The following ST18 variants were observed in gnomAD, a reference collection of about 807,000 sequenced individuals.
ST18 encodes the protein suppression of tumorigenicity 18 protein.
ST18 carries 50 observed loss-of-function variants against 110.0 expected under a neutral mutation model. The observed-to-expected ratio is 0.45, with a 90% confidence interval of 0.36 to 0.58. ST18 has a LOEUF of 0.58. ST18 is among the 20% of genes least tolerant of loss of function. The probability of loss-of-function intolerance (pLI) is 0.00; values close to 1 mark genes in which losing one functional copy is unlikely to be tolerated. For missense variants in ST18, 1,306 were observed against 1,280.1 expected, an observed-to-expected ratio of 1.02 and a Z score of -0.31; for synonymous variants, 461 against 452.4, an observed-to-expected ratio of 1.02 and a Z score of -0.24.
chr8:52,126,558 CT>C (rs1246955498), intron 22 of ST18, among the ~76,000 whole-genome samples: 1 of 152,226 alleles, frequency 6.6e-6, no homozygotes. Context: ...GAATCTAGTT[CT>C]TCCTTCCTTT....
intron 2 of ST18, among the ~76,000 whole-genome samples, chr8:52,303,665 A>G (rs1035990834): frequency 6.6e-6 from 1 of 152,266 alleles, no homozygotes; most frequent in East Asian, 1.9e-4. Context: ...TGCCAAAGAT[A>G]CACAAACAAT....
intron 2 of ST18, among the ~76,000 whole-genome samples, chr8:52,267,988 T>C (rs7015731): frequency 0.056 from 8,602 of 152,276 alleles, 822 homozygotes; most frequent in African/African-American, 0.2. Context: ...ATAAAGATCA[T>C]AGTTCACCCC....
chr8:52,379,255 G>T (rs1034934419), intron 2 of ST18, among the ~76,000 whole-genome samples: 1 of 151,770 alleles, frequency 6.6e-6, no homozygotes, highest in African/African-American at 2.4e-5. Context: ...GCACGGTTAC[G>T]CCCAGCTAAT....
chr8:52,205,664 T>C lies in ST18; in HGVS notation c.86+6415A>G, dbSNP rs530121979. ...CTCACTGCAACCTCCGCCTCCTGGG[T>C]TCAAGCAATTCTCCTGCTTCAGCCA... On this transcript the variant is annotated intron_variant, in intron 8 of 25. Transcript: ENST00000689386. 1.5e-3 allele frequency among the ~76,000 whole-genome samples: 231 copies of C among 152,202 alleles called. 2 individuals carry two copies. The highest frequency in any genetic ancestry group is 5.1e-3 in the African/African-American group (211 of 41,528).
chr8:52,133,087 G>A lies in ST18; in HGVS notation c.2414C>T (p.Thr805Ile). 2 of 1,614,062 alleles carry A rather than the reference G, an allele frequency of 1.2e-6. No homozygotes were observed. Among genetic ancestry groups the A allele is most frequent in the South Asian group, 1.1e-5 (1 of 91,076 alleles). The change falls in exon 21 of 26, where the codon ACC becomes ATC. Residue 805 changes from threonine (T) to isoleucine (I), a missense_variant. Physicochemically the swap from Thr to Ile is moderately conservative, Grantham distance 89. Coordinates refer to ENST00000689386, the MANE Select transcript of ST18 (RefSeq NM_001352837.2). ...TTCAGGGTCTTCTTTTTCTTCCTTGGTAGGGGTCATTTTGACACCACCTTT... is the reference window on the plus strand; with the variant it reads ...TTCAGGGTCTTCTTTTTCTTCCTTGATAGGGGTCATTTTGACACCACCTTT... The part of the protein sequence containing the change: ...ARKGGVKMTP[T>I]KEEKEDPELK...
rs143269944 is a variant in ST18 at position 52,338,212 on chromosome 8, C to G, written c.-465+71116G>C. 5.5e-4 allele frequency among the ~76,000 whole-genome samples: 84 copies of G among 152,168 alleles called. No individual in the cohort carries two copies. The East Asian group carries it at 0.016, about 28-fold the overall frequency. ...TAGCTGGGATTACAGGCATGTGCCA[C>G]CATGTCTGGCTAATTTTGTATATTT... On this transcript the variant is annotated intron_variant, in intron 2 of 25. Transcript: ENST00000689386.
intron 22 of ST18, among the ~76,000 whole-genome samples, 200 bp from the exon 23 acceptor site, chr8:52,126,340 C>T (rs1327379291): frequency 6.6e-6 from 1 of 152,174 alleles, no homozygotes; most frequent in African/African-American, 2.4e-5. Flanking sequence ...AAATGTTTTG[C>T]TTTCTTTCCT....
chr8:52,180,008 T>C (rs2068703693), intron 9 of ST18, 114 bp downstream of exon 9: 1 of 1,168,980 alleles, frequency 8.6e-7, no homozygotes, highest in Non-Finnish European at 1.2e-6. Context: ...TGCTTCCAAA[T>C]CTTAATGTAC....
At chr8:52,288,039 T>C (rs1018187603) in intron 2 of ST18, among the ~76,000 whole-genome samples, 13 of 152,300 alleles carry the variant, frequency 8.5e-5, no homozygotes, top group African/African-American at 2.4e-4. Context: ...TGAAAAACTT[T>C]CTTTCTCCAA....
intron 8 of ST18, among the ~76,000 whole-genome samples, chr8:52,185,661 G>A (rs993236853): frequency 6.6e-6 from 1 of 152,086 alleles, no homozygotes; most frequent in Non-Finnish European, 1.5e-5. Flanking sequence ...GATGACAAAG[G>A]CATCATTGGG....
intron 2 of ST18, among the ~76,000 whole-genome samples, chr8:52,388,972 T>TA (rs1564637431): frequency 1.8e-4 from 6 of 32,528 alleles, no homozygotes; most frequent in Admixed American, 5.8e-4. Context: ...TAATAATAAT[T>TA]TAAAAAAAAA....
At chr8:52,226,294 G>A (rs1035008640) in intron 3 of ST18, among the ~76,000 whole-genome samples, 1 of 152,128 alleles carries the variant, frequency 6.6e-6, no homozygotes, top group Non-Finnish European at 1.5e-5. Context: ...ATGCATTGCT[G>A]TCTTTGGGGT....
At chr8:52,338,672 C>T (rs1473801822) in intron 2 of ST18, among the ~76,000 whole-genome samples, 1 of 152,166 alleles carries the variant, frequency 6.6e-6, no homozygotes, top group Non-Finnish European at 1.5e-5. Flanking sequence ...GATTTGCCCG[C>T]CTTGGCCTCC....
At chr8:52,395,661 G>A (rs534625994) in intron 2 of ST18, among the ~76,000 whole-genome samples, 29 of 152,124 alleles carry the variant, frequency 1.9e-4, no homozygotes, top group Non-Finnish European at 4.0e-4. Context: ...GTGCTTACTG[G>A]GATCCAAATT....
At chr8:52,258,810 T>C (rs962589528) in intron 2 of ST18, among the ~76,000 whole-genome samples, 8 of 152,214 alleles carry the variant, frequency 5.3e-5, no homozygotes, top group African/African-American at 1.7e-4. Context: ...CCTGATTTTA[T>C]GGGGAAATAC....
chr8:52,187,707 A>G (rs2072885377), intron 8 of ST18, among the ~76,000 whole-genome samples: 1 of 152,216 alleles, frequency 6.6e-6, no homozygotes, highest in South Asian at 2.1e-4. Flanking sequence ...AGCTGTGATT[A>G]AAGAGAGGTG....
At position 52,259,576 on chromosome 8, in the gene ST18, AATGATGATG is replaced by A. The variant is rs559772271; in HGVS notation, c.-464-29508_-464-29500del. Among the ~76,000 whole-genome samples, 607 of 152,122 alleles carry A rather than the reference AATGATGATG, an allele frequency of 4.0e-3. 4 individuals carry two copies. The highest frequency in any genetic ancestry group is 6.4e-3 in the Admixed American group (98 of 15,290). ...AAGATGATAAATGATTCCCTGTTAT[AATGATGATG>A]ATGATGATGATAACGATTATATTAG... On this transcript the variant is annotated intron_variant, in intron 2 of 25. Coordinates refer to ENST00000689386, the MANE Select transcript of ST18 (RefSeq NM_001352837.2).
intron 17 of ST18, among the ~76,000 whole-genome samples, chr8:52,138,662 T>G (rs2053518442): frequency 6.6e-6 from 1 of 152,222 alleles, no homozygotes; most frequent in Non-Finnish European, 1.5e-5. Flanking sequence ...TTCCTTGGTT[T>G]CTCAGTCATT....
intron 2 of ST18, among the ~76,000 whole-genome samples, chr8:52,297,700 T>C (rs1339681009): frequency 6.6e-6 from 1 of 152,208 alleles, no homozygotes; most frequent in Non-Finnish European, 1.5e-5. Context: ...GTAACAAACA[T>C]GTAATGTATA....
Sources: gnomAD v4.1 joint callset for allele counts (sites outside exome capture counted in the v4.1 genomes callset) on GRCh38, gnomAD v4.1.1 for gene constraint, MANE v1.5 for transcripts, NCBI Gene and HGNC (gene_info 2026-07-23, HGNC 2026-07-21) for gene names.